Variants in TLR6 observed in about 807,000 individuals in gnomAD.
TLR6 encodes toll-like receptor 6.
A neutral mutation model predicts 16.1 loss-of-function variants in TLR6; 9 were observed. The observed-to-expected ratio is 0.56, with a 90% CI of 0.34 to 0.98. The LOEUF (loss-of-function observed/expected upper bound fraction) is 0.98. TLR6 is among the 50% of genes least tolerant of loss of function. The pLI is 0.02. For missense variants in TLR6, 786 were observed against 921.0 expected (o/e 0.85, Z 1.90); for synonymous variants, 340 against 338.6 (o/e 1.00, Z -0.04).
At chr4:38,859,337 C>A (rs1560274948), upstream of TLR6, among the ~76,000 whole-genome samples, 1 of 152,110 alleles carries the variant, frequency 6.6e-6, no homozygotes, top group Non-Finnish European at 1.5e-5. Flanking sequence ...GAGCATCACC[C>A]TATGAACAGC....
At chr4:38,852,802 C>T (rs1303520548) in intron 1 of TLR6, among the ~76,000 whole-genome samples, 2 of 152,116 alleles carry the variant, frequency 1.3e-5, no homozygotes, top group African/African-American at 2.4e-5. Flanking sequence ...ACTAGTTCAA[C>T]CATTGTGGAA....
intron 1 of TLR6, among the ~76,000 whole-genome samples, chr4:38,853,890 C>G (rs994633325): frequency 6.6e-6 from 1 of 152,048 alleles, no homozygotes; most frequent in African/African-American, 2.4e-5. Context: ...TAATAAAAAT[C>G]GAATTGCATG....
chr4:38,838,927 GGGAAGGAAGGAAGGAAGGGA>G (rs1560267281), intron 1 of TLR6, among the ~76,000 whole-genome samples: 1 of 123,178 alleles, frequency 8.1e-6, no homozygotes, highest in African/African-American at 3.9e-5. Flanking sequence ...GAGGGAGGGA[GGGAAGGAAGGAAGGAAGGGA>G]GGAAGGAAGG....
upstream of TLR6, among the ~76,000 whole-genome samples, chr4:38,858,814 GGAGA>G (rs1292613690): frequency 6.2e-4 from 19 of 30,514 alleles, no homozygotes; most frequent in East Asian, 0.011. Flanking sequence ...AGAGAGAGAG[GGAGA>G]GAGAGAGAGA....
intron 1 of TLR6, among the ~76,000 whole-genome samples, chr4:38,838,982 G>A (rs538660333): frequency 1.2e-4 from 17 of 140,956 alleles, no homozygotes; most frequent in African/African-American, 4.7e-4. Flanking sequence ...AGGAAAGAAA[G>A]GAGGGAGAGA....
the TLR6 span, chr4:38,867,633 A>T: frequency 2.0e-5 from 3 of 151,672 alleles, no homozygotes; most frequent in Non-Finnish European, 4.4e-5. Flanking sequence ...CCAAGTTTCC[A>T]GGAGACTCGC....
At chr4:38,857,636 G>A (rs982653905), upstream of TLR6, among the ~76,000 whole-genome samples, 9 of 150,624 alleles carry the variant, frequency 6.0e-5, no homozygotes, top group African/African-American at 2.2e-4. Context: ...CTCACTGTCT[G>A]GCACAATCTC....
At chr4:38,829,472 A>T (rs1331029124) in exon 2 of TLR6, 2 of 1,602,620 alleles carry the variant, frequency 1.2e-6, no homozygotes, top group Non-Finnish European at 1.7e-6. Context: ...GTCTTTGGTC[A>T]TGATGTTGCA....
chr4:38,859,156 G>T (rs1252835347), upstream of TLR6, among the ~76,000 whole-genome samples: 1 of 152,224 alleles, frequency 6.6e-6, no homozygotes, highest in East Asian at 1.9e-4. Flanking sequence ...TTTGGCCCCA[G>T]TGCCTATGCA....
At chr4:38,839,801 C>T (rs371636507) in intron 1 of TLR6, among the ~76,000 whole-genome samples, 1 of 152,262 alleles carries the variant, frequency 6.6e-6, no homozygotes, top group South Asian at 2.1e-4. Context: ...CTATAAGTAC[C>T]AGGTAGAAAA....
downstream of TLR6, among the ~76,000 whole-genome samples, chr4:38,823,090 C>G (rs1727392493): frequency 6.6e-6 from 1 of 152,170 alleles, no homozygotes; most frequent in African/African-American, 2.4e-5. Flanking sequence ...GAGAACAGCA[C>G]AGGAAAAGAC....
intron 1 of TLR6, among the ~76,000 whole-genome samples, chr4:38,832,340 G>C (rs1711651761): frequency 6.6e-6 from 1 of 152,140 alleles, no homozygotes; most frequent in Non-Finnish European, 1.5e-5. Flanking sequence ...CATGGGAGAA[G>C]AGGGAAGTGA....
exon 2 of TLR6, chr4:38,829,063 G>T (rs1468993525): frequency 6.2e-7 from 1 of 1,614,136 alleles, no homozygotes; most frequent in South Asian, 1.1e-5. Flanking sequence ...CCTTACAGAT[G>T]GGCAGGGCCT....
chr4:38,848,929 C>T (rs1262614815), intron 1 of TLR6, among the ~76,000 whole-genome samples: 2 of 152,124 alleles, frequency 1.3e-5, no homozygotes, highest in Admixed American at 1.3e-4. Flanking sequence ...ATACAGAGAA[C>T]ACCACAAAGA....
chr4:38,861,007 G>C (rs1226318436), upstream of TLR6, among the ~76,000 whole-genome samples: 2 of 152,056 alleles, frequency 1.3e-5, no homozygotes, highest in African/African-American at 4.8e-5. Flanking sequence ...AGACCTACAC[G>C]CTGGCCTGAG....
chr4:38,868,010 G>T, the TLR6 span: 1 of 414,178 alleles, frequency 2.4e-6, no homozygotes, highest in South Asian at 1.7e-5. Context: ...TCTGGGGTGA[G>T]GGTCTGGGGC....
chr4:38,840,529 G>T (rs1405572443), intron 1 of TLR6, among the ~76,000 whole-genome samples: 1 of 151,858 alleles, frequency 6.6e-6, no homozygotes, highest in Non-Finnish European at 1.5e-5. Flanking sequence ...AGCTACTTGG[G>T]AGGCTGAGGC....
intron 1 of TLR6, among the ~76,000 whole-genome samples, chr4:38,845,999 G>T (rs578046632): frequency 3.3e-5 from 5 of 151,412 alleles, no homozygotes; most frequent in African/African-American, 1.2e-4. Context: ...GGCTGAGGCA[G>T]GAGAATCACT....
At chr4:38,864,803 GGAGTTT>G in the TLR6 span, among the ~76,000 whole-genome samples, 1 of 152,206 alleles carries the variant, frequency 6.6e-6, no homozygotes, top group Non-Finnish European at 1.5e-5. Flanking sequence ...CTTAAAGCCA[GGAGTTT>G]GAGACCAGCC....
Sources: allele counts gnomAD v4.1 joint callset (sites outside exome capture counted in the v4.1 genomes callset), GRCh38; gene constraint gnomAD v4.1.1; transcripts MANE v1.5; gene names NCBI Gene and HGNC (gene_info 2026-07-23, HGNC 2026-07-21).